NEGR1: variants seen among roughly 807,000 people sequenced by gnomAD.
NEGR1 encodes the protein IgLON family member 4.
NEGR1 carries 10 observed loss-of-function variants against 40.9 expected under a neutral mutation model. The ratio of observed to expected loss-of-function variants is 0.24; its 90% CI spans 0.15 to 0.42. The LOEUF (loss-of-function observed/expected upper bound fraction) is 0.42, where lower values mean the gene tolerates loss of function less well. Among genes scored for constraint, NEGR1 ranks in the 10% least tolerant of loss-of-function variants. The probability of loss-of-function intolerance (pLI) is 1.00; values close to 1 mark genes in which losing one functional copy is unlikely to be tolerated. For synonymous variants in NEGR1, 185 were observed against 166.8 expected (o/e 1.11, Z -0.84); for missense variants, 352 against 438.9 (o/e 0.80, Z 1.77).
chr1:71,875,305 G>A (rs542918843), intron 2 of NEGR1, among the ~76,000 whole-genome samples: 2 of 152,252 alleles, frequency 1.3e-5, no homozygotes, highest in Admixed American at 1.3e-4. Flanking sequence ...TCTCTGAAGT[G>A]TTTATTTGCT....
chr1:71,943,748 T>C (rs1645993404), intron 1 of NEGR1, among the ~76,000 whole-genome samples: 1 of 152,186 alleles, frequency 6.6e-6, no homozygotes, highest in African/African-American at 2.4e-5. Context: ...ACTATCCTCT[T>C]ATCCCGATAA....
At chr1:71,979,467 G>A (rs1183861541) in intron 1 of NEGR1, among the ~76,000 whole-genome samples, 1 of 152,118 alleles carries the variant, frequency 6.6e-6, no homozygotes, top group Non-Finnish European at 1.5e-5. Flanking sequence ...AGATTGTGGT[G>A]AGAAGGAAAT....
intron 1 of NEGR1, among the ~76,000 whole-genome samples, chr1:72,139,193 A>AT (rs1377862954): frequency 6.6e-6 from 1 of 151,238 alleles, no homozygotes; most frequent in Non-Finnish European, 1.5e-5. Flanking sequence ...TAGATTAGTA[A>AT]TTTTTTAGAA....
In NEGR1 at chr1:71,414,056, A is replaced by G. The variant is rs893671005; in HGVS notation, c.941-6486T>C. Among the ~76,000 whole-genome samples, 11 of 152,160 alleles carry G rather than the reference A, an allele frequency of 7.2e-5. No individual in the cohort carries two copies. In the South Asian group the frequency reaches 1.0e-3, roughly 14 times the overall value. On this transcript the variant is annotated intron_variant, in intron 6 of 6. Transcript: ENST00000357731. Reference sequence around the variant, plus strand: ...GCAATCTTAGAGTTACTAAAGCTATATTAATTCTGCTTCTGTAAGACAAAA... The same window carrying G: ...GCAATCTTAGAGTTACTAAAGCTATGTTAATTCTGCTTCTGTAAGACAAAA...
At chr1:71,722,732 T>G (rs923008259) in intron 3 of NEGR1, among the ~76,000 whole-genome samples, 1 of 152,168 alleles carries the variant, frequency 6.6e-6, no homozygotes, top group Non-Finnish European at 1.5e-5. Flanking sequence ...TTTTTATTTT[T>G]TAAAAGCTTT....
At chr1:71,613,354 AT>A (rs2101545129) in intron 4 of NEGR1, among the ~76,000 whole-genome samples, 1 of 152,256 alleles carries the variant, frequency 6.6e-6, no homozygotes, top group South Asian at 2.1e-4. Context: ...AAATAGAAGA[AT>A]TTTGGAGGGG....
chr1:71,739,693 A>C (rs554145494), intron 3 of NEGR1, among the ~76,000 whole-genome samples: 6 of 152,150 alleles, frequency 3.9e-5, no homozygotes, highest in Non-Finnish European at 7.4e-5. Flanking sequence ...TGATTCACTC[A>C]AGCAATAAAA....
chr1:71,528,998 A>G (rs890911333), intron 6 of NEGR1, among the ~76,000 whole-genome samples: 3 of 149,636 alleles, frequency 2.0e-5, no homozygotes, highest in Non-Finnish European at 4.5e-5. Flanking sequence ...GTATTTCAAA[A>G]CTACTTCTCC....
chr1:71,614,740 G>A (rs1409877031), intron 4 of NEGR1, among the ~76,000 whole-genome samples: 1 of 152,090 alleles, frequency 6.6e-6, no homozygotes, highest in Admixed American at 6.6e-5. Context: ...ATGAAATCCG[G>A]AACATTGCCT....
intron 1 of NEGR1, among the ~76,000 whole-genome samples, chr1:71,936,811 T>C (rs3909666): frequency 0.2 from 29,859 of 152,180 alleles, 3,263 homozygotes; most frequent in Admixed American, 0.35. Context: ...TTGTGTTTAA[T>C]AGTAGTCAGG....
chr1:72,260,414 C>T (rs566176193), intron 1 of NEGR1, among the ~76,000 whole-genome samples: 3 of 152,166 alleles, frequency 2.0e-5, no homozygotes, highest in South Asian at 2.1e-4. Flanking sequence ...ATAATTTACT[C>T]GTGCTTACTA....
intron 1 of NEGR1, among the ~76,000 whole-genome samples, chr1:72,247,825 C>A (rs1330188152): frequency 6.6e-6 from 1 of 152,082 alleles, no homozygotes; most frequent in African/African-American, 2.4e-5. Context: ...GAAAGAAATA[C>A]CTGAGACTGA....
Position 71,935,223 on chromosome 1 carries a change from G to A in NEGR1, c.265C>T (p.Pro89Ser), listed in dbSNP as rs1645893296. 1 of 1,613,822 alleles carries A rather than the reference G, an allele frequency of 6.2e-7. No homozygotes were observed. Reference sequence around the variant, plus strand: ...TTCAATGTTGAAATTGAAACTCGAGGATCCACTGACCACTTATCACCTCCC... The same window carrying A: ...TTCAATGTTGAAATTGAAACTCGAGAATCCACTGACCACTTATCACCTCCC... ...FAGGDKWSVD[P>S]RVSISTLNKR... Residue 89 changes from proline to serine, a missense_variant, in exon 2 of 7, where the codon CCT becomes TCT. Physicochemically the swap from Pro to Ser is moderately conservative, Grantham distance 74. Transcript: ENST00000357731.
At chr1:72,159,846 G>C (rs1651490970) in intron 1 of NEGR1, among the ~76,000 whole-genome samples, 1 of 152,026 alleles carries the variant, frequency 6.6e-6, no homozygotes, top group African/African-American at 2.4e-5. Context: ...GTATCTTTTA[G>C]TTAATTTAGC....
intron 1 of NEGR1, among the ~76,000 whole-genome samples, chr1:72,084,442 C>T (rs1445614084): frequency 6.6e-6 from 1 of 152,122 alleles, no homozygotes; most frequent in Non-Finnish European, 1.5e-5. Flanking sequence ...TCTCTAGAAC[C>T]CTTAATGCTC....
At position 71,403,543 on chromosome 1, in the gene NEGR1, C is replaced by G. The variant is rs1354276684; in HGVS notation, c.*3903G>C. The G allele has an allele frequency of 5.0e-6, 1 of 201,458 alleles. No individual in the cohort carries two copies. The highest frequency in any genetic ancestry group is 2.3e-5 in the African/African-American group (1 of 43,772). The allele number at this position is 201,458 out of a possible 1,614,324, so 12.5% of individuals were successfully genotyped here. A position where few individuals can be genotyped will look rare whatever the true frequency, so the allele number is the denominator to read the frequency against. On this transcript the variant is annotated 3_prime_UTR_variant, in exon 7 of 7. Coordinates refer to ENST00000357731, the MANE Select transcript of NEGR1 (RefSeq NM_173808.3). ...CATCAAACCTTTTAGGAATCAGCAA[C>G]AGCAAGAAAGAATATAGTGTGGAGT...
intron 4 of NEGR1, among the ~76,000 whole-genome samples, chr1:71,626,079 C>T (rs1650764634): frequency 1.3e-5 from 2 of 151,938 alleles, no homozygotes; most frequent in African/African-American, 4.8e-5. Context: ...AACAGTCCCA[C>T]CATCCCCTCC....
In NEGR1 at chr1:71,606,430, C is replaced by A. The variant is rs78304143; in HGVS notation, c.788+4596G>T. On this transcript the variant is annotated intron_variant, in intron 5 of 6. Transcript: ENST00000357731. Reference sequence around the variant, plus strand: ...GAGACCCGGAGTGATAACCATCCAGCCAAACTGCTCCTGGATTCCTGACCC... The same window carrying A: ...GAGACCCGGAGTGATAACCATCCAGACAAACTGCTCCTGGATTCCTGACCC... Among the ~76,000 whole-genome samples, 190 of 152,286 alleles carry A rather than the reference C, an allele frequency of 1.2e-3. 9 individuals carry two copies. The East Asian group carries it at 0.034, about 27-fold the overall frequency.
chr1:72,107,470 C>T (rs1649182448), intron 1 of NEGR1, among the ~76,000 whole-genome samples: 1 of 151,426 alleles, frequency 6.6e-6, no homozygotes, highest in African/African-American at 2.4e-5. Flanking sequence ...CCTACTTAAA[C>T]CCAAGTTTGT....
Sources: gnomAD v4.1 joint callset for allele counts (sites outside exome capture counted in the v4.1 genomes callset) on GRCh38, gnomAD v4.1.1 for gene constraint, MANE v1.5 for transcripts, NCBI Gene and HGNC (gene_info 2026-07-23, HGNC 2026-07-21) for gene names.